The following PCSK5 variants were observed in gnomAD, a reference collection of about 807,000 sequenced individuals.
PCSK5 encodes the protein prohormone convertase 5.
PCSK5 carries 129 observed loss-of-function variants against 233.2 expected under a neutral mutation model. That is an observed-to-expected ratio of 0.55 (90% CI 0.48 to 0.64). The LOEUF (loss-of-function observed/expected upper bound fraction) is 0.64. PCSK5 is among the 30% of genes least tolerant of loss of function. The probability of loss-of-function intolerance (pLI) is 0.00; values close to 1 mark genes in which losing one functional copy is unlikely to be tolerated. For missense variants in PCSK5, 2,076 were observed against 2,430.1 expected (o/e 0.85, Z 3.06); for synonymous variants, 825 against 879.2 (o/e 0.94, Z 1.09).
chr9:76,362,954 G>A lies in PCSK5; in HGVS notation c.*4032G>A, dbSNP rs1474909753. Among the ~76,000 whole-genome samples the A allele has an allele frequency of 3.3e-5, 5 of 152,284 alleles. No individual in the cohort carries two copies. Among genetic ancestry groups the A allele is most frequent in the South Asian group, 2.1e-4 (1 of 4,830 alleles). On this transcript the variant is annotated 3_prime_UTR_variant, in exon 38 of 38. Coordinates refer to ENST00000674117, the MANE Select transcript of PCSK5 (RefSeq NM_001372043.1). ...AGGAGTCTTGCCGATGCTCCTGGCC[G>A]AATAAACTGCTCCTTCTTTAACTCG...
At chr9:76,037,290 C>G (rs1442227529) in intron 5 of PCSK5, among the ~76,000 whole-genome samples, 1 of 152,152 alleles carries the variant, frequency 6.6e-6, no homozygotes, top group Non-Finnish European at 1.5e-5. Flanking sequence ...TGGAGAATGT[C>G]TCAGAGAAGC....
At chr9:76,173,781 T>G (rs555794415) in intron 13 of PCSK5, among the ~76,000 whole-genome samples, 1 of 151,986 alleles carries the variant, frequency 6.6e-6, no homozygotes, top group South Asian at 2.1e-4. Flanking sequence ...AAGACCAGCC[T>G]GACCAACATG....
At chr9:76,210,262 G>A (rs1432605698) in intron 20 of PCSK5, among the ~76,000 whole-genome samples, 2 of 152,132 alleles carry the variant, frequency 1.3e-5, no homozygotes, top group East Asian at 1.9e-4. Flanking sequence ...GTTCAACGTC[G>A]TGGAGAAACT....
chr9:76,288,817 T>C (rs1828169143), intron 24 of PCSK5, among the ~76,000 whole-genome samples: 1 of 152,230 alleles, frequency 6.6e-6, no homozygotes, highest in African/African-American at 2.4e-5. Flanking sequence ...AAATAAATTC[T>C]TCTTCTCTAG....
In PCSK5 at chr9:76,097,246, C is replaced by CTTTTTTTTTTTTT. The variant is rs71372046; in HGVS notation, c.1107+1156_1107+1168dup. Among the ~76,000 whole-genome samples the CTTTTTTTTTTTTT allele has an allele frequency of 2.1e-4, 14 of 67,328 alleles. 2 individuals carry two copies. The highest frequency in any genetic ancestry group is 7.1e-4 in the African/African-American group (11 of 15,422). 44.2% of individuals were successfully genotyped at this position (67,328 alleles called of 152,430 possible). A position where few individuals can be genotyped will look rare whatever the true frequency, so the allele number is the denominator to read the frequency against. ...CCGCGCCCAGCCAAAAAGTGCATTT[C>CTTTTTTTTTTTTT]TTTTTTTTTTTTTTTTTTTTTTTTG... is the stretch of plus-strand genomic sequence containing the variant. On this transcript the variant is annotated intron_variant, in intron 8 of 37. Transcript: ENST00000674117.
At chr9:76,123,112 G>C (rs1313246562) in intron 9 of PCSK5, among the ~76,000 whole-genome samples, 1 of 151,962 alleles carries the variant, frequency 6.6e-6, no homozygotes, top group East Asian at 1.9e-4. Context: ...TCAAAGTGCT[G>C]GGATTACAGA....
chr9:76,113,827 G>A lies in PCSK5; in HGVS notation c.1208+6476G>A, dbSNP rs1391426343. Among the ~76,000 whole-genome samples, 8 of 151,980 alleles carry A rather than the reference G, an allele frequency of 5.3e-5. No homozygotes were observed. In the South Asian group the frequency reaches 1.0e-3, roughly 20 times the overall value. On this transcript the variant is annotated intron_variant, in intron 9 of 37. Transcript: ENST00000674117. ...AAAATGTCTCATTAAAAATTTTCCC[G>A]AGGGCCACATTCAACTCTATGAGAT...
chr9:76,246,341 C>CA (rs59806704), intron 24 of PCSK5, among the ~76,000 whole-genome samples: 955 of 52,588 alleles, frequency 0.018, 91 homozygotes, highest in South Asian at 0.092. Flanking sequence ...GATTCCATCT[C>CA]AAAAAAAAAA....
At position 76,338,395 on chromosome 9, in the gene PCSK5, G is replaced by A; in HGVS notation, c.4914G>A (p.Glu1638=). Residue 1638 remains glutamate, a synonymous_variant, in exon 35 of 38, where the codon GAG becomes GAA. Coordinates refer to ENST00000674117, the MANE Select transcript of PCSK5 (RefSeq NM_001372043.1). ...HRSCPDHYYV[E]QSTQTCERCH... ...CCTGCCCAGACCATTACTATGTAGA[G>A]CAAAGCACACAGACCTGTGAGAGAT... 1.2e-6 allele frequency: 2 copies of A among 1,612,704 alleles called. No homozygotes were observed. The highest frequency in any genetic ancestry group is 4.5e-5 in the East Asian group (2 of 44,852).
At chr9:76,211,120 G>A (rs1825313938) in intron 20 of PCSK5, among the ~76,000 whole-genome samples, 1 of 152,184 alleles carries the variant, frequency 6.6e-6, no homozygotes, top group Admixed American at 6.5e-5. Flanking sequence ...AGAAAGATCT[G>A]GACTGAGAAG....
At chr9:76,210,190 T>C (rs1825279066) in intron 20 of PCSK5, among the ~76,000 whole-genome samples, 2 of 152,064 alleles carry the variant, frequency 1.3e-5, no homozygotes, top group Admixed American at 1.3e-4. Context: ...GGGAAGGGAA[T>C]GCAGCCAATG....
At chr9:76,112,309 T>C (rs1832251327) in intron 9 of PCSK5, among the ~76,000 whole-genome samples, 1 of 152,186 alleles carries the variant, frequency 6.6e-6, no homozygotes, top group African/African-American at 2.4e-5. Context: ...ATTCTTGCTT[T>C]AAATGACCGC....
chr9:75,944,100 C>G (rs1415796768), intron 2 of PCSK5, among the ~76,000 whole-genome samples: 1 of 151,750 alleles, frequency 6.6e-6, no homozygotes, highest in Non-Finnish European at 1.5e-5. Context: ...GAGGTTGAGG[C>G]TGCAGTGAGC....
At chr9:76,048,520 A>T (rs527513459) in intron 5 of PCSK5, among the ~76,000 whole-genome samples, 1 of 152,330 alleles carries the variant, frequency 6.6e-6, no homozygotes, top group African/African-American at 2.4e-5. Context: ...TCTTGTTTAA[A>T]TATATTTTGC....
intron 24 of PCSK5, among the ~76,000 whole-genome samples, chr9:76,270,019 A>G (rs1344234689): frequency 2.0e-5 from 3 of 151,924 alleles, no homozygotes; most frequent in Admixed American, 2.0e-4. Flanking sequence ...TATTTTTTTA[A>G]AAATATGAGC....
chr9:76,210,119 C>T (rs112118465), intron 20 of PCSK5, among the ~76,000 whole-genome samples: 3,343 of 152,152 alleles, frequency 0.022, 40 homozygotes, highest in Non-Finnish European at 0.028. Context: ...AGATTCAAGT[C>T]CAAGAGTTTT....
intron 10 of PCSK5, among the ~76,000 whole-genome samples, chr9:76,139,654 A>G (rs961222013): frequency 6.6e-6 from 1 of 151,976 alleles, no homozygotes; most frequent in African/African-American, 2.4e-5. Context: ...TTTTTTTAAG[A>G]TTCTATGTTT....
At chr9:75,928,333 C>T (rs1037078576) in intron 1 of PCSK5, among the ~76,000 whole-genome samples, 3 of 151,836 alleles carry the variant, frequency 2.0e-5, no homozygotes, top group Non-Finnish European at 4.4e-5. Context: ...TATTGAATAA[C>T]GTAACCACAA....
chr9:76,030,899 G>T (rs530615330), intron 5 of PCSK5, among the ~76,000 whole-genome samples: 2 of 152,244 alleles, frequency 1.3e-5, no homozygotes, highest in South Asian at 2.1e-4. Flanking sequence ...CTAAGCACTG[G>T]CCATGGTTCA....
Sources: gnomAD v4.1 joint callset for allele counts (sites outside exome capture counted in the v4.1 genomes callset) on GRCh38, gnomAD v4.1.1 for gene constraint, MANE v1.5 for transcripts, NCBI Gene and HGNC (gene_info 2026-07-23, HGNC 2026-07-21) for gene names.